ERI1: variants seen among roughly 807,000 people sequenced by gnomAD.
ERI1 encodes the protein exoribonuclease 1.
In ERI1, 39 loss-of-function variants were observed where a neutral mutation model predicts 39.7. The ratio of observed to expected loss-of-function variants is 0.98; its 90% CI spans 0.76 to 1.28. The LOEUF (loss-of-function observed/expected upper bound fraction) is 1.28. Among genes scored for constraint, ERI1 ranks in the 50% most tolerant of loss-of-function variants. The pLI, the probability that ERI1 is intolerant of heterozygous loss-of-function variation, is 0.00. For synonymous variants in ERI1, 204 were observed against 149.6 expected, an observed-to-expected ratio of 1.36 and a Z score of -2.65; for missense variants, 581 against 416.9, an observed-to-expected ratio of 1.39 and a Z score of -3.43.
chr8:9,031,892 A>T lies in ERI1; in HGVS notation c.*1858A>T, dbSNP rs1398008784. 1 of 152,196 alleles carries T rather than the reference A, an allele frequency of 6.6e-6. No individual in the cohort carries two copies. The highest frequency in any genetic ancestry group is 6.5e-5 in the Admixed American group (1 of 15,280). 9.4% of individuals were successfully genotyped at this position (152,196 alleles called of 1,614,324 possible). On this transcript the variant is annotated 3_prime_UTR_variant, in exon 7 of 7. Coordinates refer to ENST00000250263, the MANE Select transcript of ERI1 (RefSeq NM_153332.4). ...CTTGCCTCAGCCTCCTGAGTAGCTC[A>T]GATTACAGGCGCGTGCCACCACACC...
At chr8:9,053,147 G>C (rs559260638) in intron 3 of ERI1, among the ~76,000 whole-genome samples, 27 of 152,282 alleles carry the variant, frequency 1.8e-4, no homozygotes, top group African/African-American at 5.5e-4. Context: ...CTCCAGAATA[G>C]CTGGGACCAC....
rs1216114526 is a variant in ERI1, at chr8:9,030,305, G to C, written c.*271G>C. On this transcript the variant is annotated 3_prime_UTR_variant, in exon 7 of 7. Transcript: ENST00000250263. ...GAATTTTATAATTTAAGGTGTTCAAGATATATTCTTTTTGGTTTTAAAATG... is the reference window on the plus strand; with the variant it reads ...GAATTTTATAATTTAAGGTGTTCAACATATATTCTTTTTGGTTTTAAAATG... 2.6e-6 allele frequency: 1 copy of C among 386,152 alleles called. No individual in the cohort carries two copies. The highest frequency in any genetic ancestry group is 4.7e-6 in the Non-Finnish European group (1 of 212,474). The allele number at this position is 386,152 out of a possible 1,614,324, so 23.9% of individuals were successfully genotyped here.
At chr8:9,035,373 G>C (rs577818556), downstream of ERI1, among the ~76,000 whole-genome samples, 65 of 152,296 alleles carry the variant, frequency 4.3e-4, no homozygotes, top group African/African-American at 1.5e-3. Context: ...TTGTTGTTAA[G>C]GGCTAATGTA....
chr8:9,028,976 T>G (rs1008909386), intron 6 of ERI1, among the ~76,000 whole-genome samples: 1 of 109,888 alleles, frequency 9.1e-6, no homozygotes, highest in African/African-American at 3.5e-5. Flanking sequence ...TGTGAGAGTT[T>G]TTTTTTTTTT....
At chr8:9,013,617 G>A (rs966331436) in intron 3 of ERI1, among the ~76,000 whole-genome samples, 1 of 152,154 alleles carries the variant, frequency 6.6e-6, no homozygotes, top group East Asian at 1.9e-4. Flanking sequence ...CTTTGCTGGT[G>A]ACTTTCAAAT....
intron 6 of ERI1, among the ~76,000 whole-genome samples, chr8:9,028,314 C>T (rs1797330054): frequency 6.6e-6 from 1 of 152,050 alleles, no homozygotes; most frequent in South Asian, 2.1e-4. Context: ...TGTGTATTTC[C>T]AGGAATTTGT....
chr8:9,005,514 G>GTTTTT (rs60847461), intron 1 of ERI1, among the ~76,000 whole-genome samples: 86 of 130,816 alleles, frequency 6.6e-4, no homozygotes, highest in African/African-American at 2.3e-3. Flanking sequence ...GTTTTTTTAT[G>GTTTTT]TTTTTTTTTT....
At chr8:9,043,494 T>TA (rs1415278703) in intron 3 of ERI1, among the ~76,000 whole-genome samples, 1 of 152,244 alleles carries the variant, frequency 6.6e-6, no homozygotes, top group African/African-American at 2.4e-5. Flanking sequence ...ACATCTCTTA[T>TA]GGAAGATGGA....
intron 3 of ERI1, among the ~76,000 whole-genome samples, chr8:9,038,553 T>G (rs1449499071): frequency 1.3e-5 from 2 of 152,184 alleles, no homozygotes; most frequent in Admixed American, 1.3e-4. Flanking sequence ...TGAGCTCAGT[T>G]CTGGACCAGC....
At chr8:9,096,786 G>C (rs1023866572) in intron 3 of ERI1, 1 of 125,946 alleles carries the variant, frequency 7.9e-6, no homozygotes, top group Non-Finnish European at 1.6e-5. Context: ...GCATGATCAT[G>C]GCTCACTGCA....
At chr8:9,015,714 T>A (rs1413692067) in intron 3 of ERI1, among the ~76,000 whole-genome samples, 1 of 69,640 alleles carries the variant, frequency 1.4e-5, no homozygotes, top group Non-Finnish European at 2.8e-5. Context: ...AGAGCGAGAC[T>A]CTGTCTCCAA....
rs1008861563 is a variant in ERI1 at position 9,032,544 on chromosome 8, C to G, written c.*2510C>G. On this transcript the variant is annotated 3_prime_UTR_variant, in exon 7 of 7. Coordinates refer to ENST00000250263, the MANE Select transcript of ERI1 (RefSeq NM_153332.4). ...TGAGATAGATCCATTTATCCTGCCT[C>G]CTAGGGAGAAGTTTCTGCCTGGATT... is the stretch of plus-strand genomic sequence containing the variant. 6.6e-6 allele frequency: 1 copy of G among 152,064 alleles called. No homozygotes were observed. The highest frequency in any genetic ancestry group is 2.1e-4 in the South Asian group (1 of 4,816). The allele number at this position is 152,064 out of a possible 1,614,324, so 9.4% of individuals were successfully genotyped here.
chr8:9,036,896 G>A (rs577997541), downstream of ERI1, among the ~76,000 whole-genome samples: 3 of 152,070 alleles, frequency 2.0e-5, no homozygotes, highest in African/African-American at 7.2e-5. Context: ...ATTTTTGTCA[G>A]TGGGACCATG....
At chr8:9,014,866 C>G (rs1817059346) in intron 3 of ERI1, among the ~76,000 whole-genome samples, 1 of 152,034 alleles carries the variant, frequency 6.6e-6, no homozygotes, top group Non-Finnish European at 1.5e-5. Context: ...GAGATGGAGT[C>G]TTGCTTTGTC....
At chr8:9,037,556 AC>A (rs1229820234), downstream of ERI1, among the ~76,000 whole-genome samples, 1 of 150,590 alleles carries the variant, frequency 6.6e-6, no homozygotes, top group African/African-American at 2.4e-5. Context: ...ACAGGTTCTT[AC>A]TTGTATCTCA....
chr8:9,014,117 G>A (rs1048142597), intron 3 of ERI1, among the ~76,000 whole-genome samples: 1 of 152,054 alleles, frequency 6.6e-6, no homozygotes, highest in African/African-American at 2.4e-5. Context: ...ACATGACCTG[G>A]CCTATTGTTT....
At chr8:9,018,794 G>A (rs1465439131) in intron 5 of ERI1, among the ~76,000 whole-genome samples, 1 of 151,430 alleles carries the variant, frequency 6.6e-6, no homozygotes, top group African/African-American at 2.5e-5. Flanking sequence ...ACTGGCCCAG[G>A]AATTCACATG....
chr8:9,054,694 G>A (rs1585265496), intron 3 of ERI1, among the ~76,000 whole-genome samples: 1 of 152,258 alleles, frequency 6.6e-6, no homozygotes, highest in African/African-American at 2.4e-5. Flanking sequence ...GGAGGCCAAG[G>A]GGGGCAGATC....
chr8:9,077,123 T>TC (rs1585288312), intron 3 of ERI1, among the ~76,000 whole-genome samples: 2 of 152,230 alleles, frequency 1.3e-5, no homozygotes, highest in African/African-American at 4.8e-5. Context: ...ATGCTGAAAC[T>TC]CCTTTTCCTG....
Sources: allele counts gnomAD v4.1 joint callset (sites outside exome capture counted in the v4.1 genomes callset), GRCh38; gene constraint gnomAD v4.1.1; transcripts MANE v1.5; gene names NCBI Gene and HGNC (gene_info 2026-07-23, HGNC 2026-07-21).